NCKAP5: variants seen among roughly 807,000 people sequenced by gnomAD.
The protein encoded by NCKAP5 is nck-associated protein 5.
Under a neutral mutation model 167.0 loss-of-function variants are expected in NCKAP5, and 92 were observed. The observed-to-expected ratio is 0.55, with a 90% CI of 0.47 to 0.66. The LOEUF is 0.66. NCKAP5 is among the 30% of genes least tolerant of loss of function. The pLI, the probability that NCKAP5 is intolerant of heterozygous loss-of-function variation, is 0.00. For synonymous variants in NCKAP5, 891 were observed against 877.4 expected (o/e 1.02, Z -0.27); for missense variants, 2,378 against 2,315.0 (o/e 1.03, Z -0.56).
the NCKAP5 span, among the ~76,000 whole-genome samples, chr2:133,576,435 T>C: frequency 1.3e-5 from 2 of 152,260 alleles, no homozygotes; most frequent in Non-Finnish European, 2.9e-5. Flanking sequence ...TTATTTATTA[T>C]TGAATGTGCT....
intron 2 of NCKAP5, among the ~76,000 whole-genome samples, chr2:133,543,484 G>C (rs1686396803): frequency 6.6e-6 from 1 of 152,198 alleles, no homozygotes; most frequent in African/African-American, 2.4e-5. Flanking sequence ...AAAGTAACCA[G>C]ATAAAATTGT....
At chr2:132,845,395 T>A (rs2105447308) in intron 11 of NCKAP5, among the ~76,000 whole-genome samples, 1 of 152,260 alleles carries the variant, frequency 6.6e-6, no homozygotes, top group South Asian at 2.1e-4. Context: ...CAAAAAGTCT[T>A]CAGTGTTTTC....
At chr2:133,640,290 G>A in the NCKAP5 span, among the ~76,000 whole-genome samples, 1 of 152,162 alleles carries the variant, frequency 6.6e-6, no homozygotes. Flanking sequence ...GAATGGATAT[G>A]AAAAAGCAGA....
At chr2:132,773,398 T>C (rs1005190233) in intron 16 of NCKAP5, among the ~76,000 whole-genome samples, 1 of 152,150 alleles carries the variant, frequency 6.6e-6, no homozygotes, top group Non-Finnish European at 1.5e-5. Context: ...AAAAAGAGAG[T>C]TGAGAGTTTT....
intron 11 of NCKAP5, among the ~76,000 whole-genome samples, chr2:132,810,146 G>A (rs1212022338): frequency 1.3e-5 from 2 of 152,222 alleles, no homozygotes; most frequent in Non-Finnish European, 2.9e-5. Flanking sequence ...TTTCTGCTGA[G>A]AAATCTGCTG....
chr2:132,913,462 G>A (rs967007632), intron 8 of NCKAP5, among the ~76,000 whole-genome samples: 1 of 151,974 alleles, frequency 6.6e-6, no homozygotes, highest in Non-Finnish European at 1.5e-5. Context: ...GAACAATAAT[G>A]TGGTTTTATG....
At chr2:133,646,490 G>T in the NCKAP5 span, among the ~76,000 whole-genome samples, 1 of 151,964 alleles carries the variant, frequency 6.6e-6, no homozygotes. Context: ...AATATATCCA[G>T]CAAAACTTTC....
intron 16 of NCKAP5, among the ~76,000 whole-genome samples, chr2:132,748,126 A>G (rs1303793873): frequency 6.6e-6 from 1 of 152,134 alleles, no homozygotes; most frequent in Non-Finnish European, 1.5e-5. Context: ...CCTGCTATGT[A>G]TCAGTTTTAT....
At chr2:133,178,520 A>C (rs1574284725) in intron 5 of NCKAP5, among the ~76,000 whole-genome samples, 1 of 79,356 alleles carries the variant, frequency 1.3e-5, no homozygotes, top group Non-Finnish European at 2.7e-5. Context: ...AAAAAAAAAA[A>C]AAAAAAAAAA....
intron 19 of NCKAP5, among the ~76,000 whole-genome samples, chr2:132,698,631 A>G (rs1010642769): frequency 5.3e-5 from 8 of 152,112 alleles, no homozygotes; most frequent in Non-Finnish European, 1.0e-4. Context: ...TCAGGAGATC[A>G]AGACTATCCT....
In NCKAP5 at chr2:133,410,031, T is replaced by C. The variant is rs1307465858; in HGVS notation, c.70-106921A>G. 2.6e-5 allele frequency among the ~76,000 whole-genome samples: 4 copies of C among 152,220 alleles called. No individual in the cohort carries two copies. The East Asian group carries it at 5.8e-4, about 22-fold the overall frequency. On this transcript the variant is annotated intron_variant, in intron 3 of 19. Coordinates refer to ENST00000409261, the MANE Select transcript of NCKAP5 (RefSeq NM_207363.3). Reference sequence around the variant, plus strand: ...GCTGCACCATTATAAAAGTCAATCATAGACTCAGCAAAGCAAAGGCTCAAG... The same window carrying C: ...GCTGCACCATTATAAAAGTCAATCACAGACTCAGCAAAGCAAAGGCTCAAG...
chr2:132,699,907 T>C (rs1687715177), intron 19 of NCKAP5, among the ~76,000 whole-genome samples: 1 of 152,222 alleles, frequency 6.6e-6, no homozygotes, highest in African/African-American at 2.4e-5. Context: ...ATCGCCACAC[T>C]GACTTCCACA....
At chr2:133,002,090 G>C (rs1023949775) in intron 6 of NCKAP5, among the ~76,000 whole-genome samples, 9 of 152,118 alleles carry the variant, frequency 5.9e-5, no homozygotes, top group Admixed American at 3.9e-4. Flanking sequence ...AGGGGTCCTG[G>C]AATCGATCCC....
chr2:132,880,827 A>T (rs1558894120), intron 8 of NCKAP5, among the ~76,000 whole-genome samples: 1 of 152,178 alleles, frequency 6.6e-6, no homozygotes, highest in African/African-American at 2.4e-5. Context: ...CAAATTGTTA[A>T]CGTTTTGCCA....
chr2:132,741,493 C>T (rs992383452), intron 16 of NCKAP5, among the ~76,000 whole-genome samples: 1 of 152,038 alleles, frequency 6.6e-6, no homozygotes, highest in Non-Finnish European at 1.5e-5. Context: ...ACAGTTGGAT[C>T]CCAGACTCCT....
intron 8 of NCKAP5, among the ~76,000 whole-genome samples, chr2:132,879,338 G>A (rs76242205): frequency 6.6e-6 from 1 of 152,196 alleles, no homozygotes; most frequent in Non-Finnish European, 1.5e-5. Context: ...AGTCATGAAA[G>A]CATAATTCCA....
At chr2:133,170,509 G>A (rs926521035) in intron 5 of NCKAP5, among the ~76,000 whole-genome samples, 3 of 152,172 alleles carry the variant, frequency 2.0e-5, no homozygotes, top group Non-Finnish European at 4.4e-5. Flanking sequence ...TGACTGTAAC[G>A]AAGTAATCTG....
At chr2:132,836,480 C>G (rs778311662) in intron 11 of NCKAP5, among the ~76,000 whole-genome samples, 28 of 150,860 alleles carry the variant, frequency 1.9e-4, no homozygotes, top group Non-Finnish European at 3.7e-4. Flanking sequence ...TCCTTGAAAA[C>G]CTGTATGTTT....
At chr2:132,975,285 T>C (rs1005633954) in intron 7 of NCKAP5, among the ~76,000 whole-genome samples, 1 of 152,176 alleles carries the variant, frequency 6.6e-6, no homozygotes, top group African/African-American at 2.4e-5. Flanking sequence ...AGATTAAATG[T>C]GTATGATGGA....
Sources: gnomAD v4.1 joint callset for allele counts (sites outside exome capture counted in the v4.1 genomes callset) on GRCh38, gnomAD v4.1.1 for gene constraint, MANE v1.5 for transcripts, NCBI Gene and HGNC (gene_info 2026-07-23, HGNC 2026-07-21) for gene names.